Variants in ANKAR observed in about 807,000 individuals in gnomAD.
The protein encoded by ANKAR is ankyrin and armadillo repeat-containing protein.
Under a neutral mutation model 146.2 loss-of-function variants are expected in ANKAR, and 136 were observed. The observed-to-expected ratio is 0.93, with a 90% CI of 0.81 to 1.07. The LOEUF (loss-of-function observed/expected upper bound fraction) is 1.07. ANKAR is among the 50% of genes least tolerant of loss of function. ANKAR has a pLI of 0.00. For synonymous variants in ANKAR, 500 were observed against 575.8 expected (o/e 0.87, Z 1.88); for missense variants, 1,567 against 1,679.9 (o/e 0.93, Z 1.18).
At chr2:189,708,736 G>A (rs962649133) in intron 9 of ANKAR, among the ~76,000 whole-genome samples, 1 of 152,138 alleles carries the variant, frequency 6.6e-6, no homozygotes, top group Non-Finnish European at 1.5e-5. Context: ...AAGTTGAGAA[G>A]CATCTGTCTA....
rs1559077390 is a variant in ANKAR at position 189,696,412 on chromosome 2, A to G, written c.1708+43A>G. The G allele has an allele frequency of 1.9e-6, 3 of 1,566,992 alleles. No individual in the cohort carries two copies. The Admixed American group carries it at 5.5e-5, about 29-fold the overall frequency. ...AACCTAAAATGTTGTTATTTTATTTACCCTTACTCAGCATTAGGAATGCAC... is the reference window on the plus strand; with the variant it reads ...AACCTAAAATGTTGTTATTTTATTTGCCCTTACTCAGCATTAGGAATGCAC... On this transcript the variant is annotated intron_variant, in intron 7 of 22. Coordinates refer to ENST00000684021, the MANE Select transcript of ANKAR (RefSeq NM_001378068.1).
chr2:189,744,881 G>T lies in ANKAR; in HGVS notation c.4057+93G>T, dbSNP rs186208538. 5.1e-5 allele frequency: 50 copies of T among 972,798 alleles called. No homozygotes were observed. The Admixed American group carries it at 1.1e-3, about 21-fold the overall frequency. 60.3% of individuals were successfully genotyped at this position (972,798 alleles called of 1,614,324 possible). A position where few individuals can be genotyped will look rare whatever the true frequency, so the allele number is the denominator to read the frequency against. ...CTCTAAAAATTCAAAATGTAGGCCG[G>T]GCACAGTGGCTCATGCCTGTAATCC... On this transcript the variant is annotated intron_variant, in intron 22 of 22. Transcript: ENST00000684021.
intron 8 of ANKAR, among the ~76,000 whole-genome samples, chr2:189,706,309 C>T (rs2038937661): frequency 6.6e-6 from 1 of 151,886 alleles, no homozygotes; most frequent in South Asian, 2.1e-4. Context: ...ATCACTTGAA[C>T]CGAGAGGCAG....
At chr2:189,717,521 C>G (rs2040632579) in intron 10 of ANKAR, among the ~76,000 whole-genome samples, 1 of 152,174 alleles carries the variant, frequency 6.6e-6, no homozygotes, top group Non-Finnish European at 1.5e-5. Context: ...TTGTGGAAGA[C>G]AGTGTGGCGA....
At chr2:189,733,980 G>T (rs540791298) in intron 17 of ANKAR, among the ~76,000 whole-genome samples, 2 of 151,966 alleles carry the variant, frequency 1.3e-5, no homozygotes, top group African/African-American at 2.4e-5. Context: ...CATTTTTGAT[G>T]AATTCAGGCC....
chr2:189,762,632 T>G (rs2047288272), downstream of ANKAR: 6 of 985,310 alleles, frequency 6.1e-6, 1 homozygote, highest in South Asian at 2.3e-4. Flanking sequence ...TGGAACCGCT[T>G]TTCCAGGTGC....
intron 7 of ANKAR, among the ~76,000 whole-genome samples, chr2:189,698,339 C>T (rs541107454): frequency 1.3e-4 from 19 of 151,366 alleles, no homozygotes; most frequent in African/African-American, 4.4e-4. Context: ...AATTTGCTGT[C>T]ACCTTTATTT....
At chr2:189,708,045 C>G (rs973193314) in intron 9 of ANKAR, among the ~76,000 whole-genome samples, 1 of 152,080 alleles carries the variant, frequency 6.6e-6, no homozygotes, top group African/African-American at 2.4e-5. Flanking sequence ...GAGAGGGACC[C>G]GGGAAACTGG....
intron 12 of ANKAR, among the ~76,000 whole-genome samples, chr2:189,721,814 G>A (rs944570436): frequency 6.6e-6 from 1 of 152,076 alleles, no homozygotes; most frequent in Non-Finnish European, 1.5e-5. Context: ...AGTTCACCAG[G>A]AATAAATACA....
At chr2:189,734,736 G>A (rs1339524162) in intron 17 of ANKAR, among the ~76,000 whole-genome samples, 15 of 152,064 alleles carry the variant, frequency 9.9e-5, no homozygotes, top group Admixed American at 3.9e-4. Context: ...GGTCGAGGTG[G>A]GCAGATCGCT....
At chr2:189,762,416 T>C (rs2047218767), downstream of ANKAR, 2 of 210,202 alleles carry the variant, frequency 9.5e-6, no homozygotes, top group African/African-American at 4.7e-5. Flanking sequence ...GGATTAGAGA[T>C]GAGCGACCTA....
intron 18 of ANKAR, among the ~76,000 whole-genome samples, chr2:189,756,852 C>T (rs1020186776): frequency 3.3e-5 from 5 of 152,296 alleles, no homozygotes; most frequent in African/African-American, 1.2e-4. Context: ...TACTCTAAAG[C>T]ACATGCTACC....
chr2:189,734,983 T>C (rs1296633329), intron 17 of ANKAR, among the ~76,000 whole-genome samples: 1 of 150,438 alleles, frequency 6.6e-6, no homozygotes, highest in Non-Finnish European at 1.5e-5. Flanking sequence ...AATATATATA[T>C]ATATATATTT....
At chr2:189,759,253 CTTTTTTT>C (rs111345865) in intron 18 of ANKAR, among the ~76,000 whole-genome samples, 2 of 144,570 alleles carry the variant, frequency 1.4e-5, no homozygotes, top group African/African-American at 5.1e-5. Flanking sequence ...GTTAATTTTC[CTTTTTTT>C]TTTTTTGAGA....
chr2:189,719,952 C>A (rs1188830513), intron 11 of ANKAR, 139 bp downstream of exon 11: 7 of 993,678 alleles, frequency 7.0e-6, no homozygotes, highest in African/African-American at 3.3e-5. Context: ...AGAGAGGGTG[C>A]CTGATGAAAA....
At chr2:189,730,280 C>T (rs2042287044) in intron 15 of ANKAR, among the ~76,000 whole-genome samples, 1 of 152,182 alleles carries the variant, frequency 6.6e-6, no homozygotes, top group South Asian at 2.1e-4. Context: ...TAGGAAGCCA[C>T]TCACAATTCT....
intron 21 of ANKAR, among the ~76,000 whole-genome samples, chr2:189,744,128 A>G (rs2043729158): frequency 6.6e-6 from 1 of 152,212 alleles, no homozygotes; most frequent in South Asian, 2.1e-4. Context: ...CGTTAACTCT[A>G]TGATAACGGA....
intron 12 of ANKAR, among the ~76,000 whole-genome samples, chr2:189,723,074 G>A (rs771228923): frequency 1.4e-4 from 21 of 152,096 alleles, no homozygotes; most frequent in Non-Finnish European, 2.6e-4. Flanking sequence ...TAGTCCTCTT[G>A]GATGTTAGCT....
intron 9 of ANKAR, among the ~76,000 whole-genome samples, chr2:189,709,093 C>T (rs898585990): frequency 1.6e-5 from 2 of 126,832 alleles, no homozygotes; most frequent in South Asian, 2.3e-4. Flanking sequence ...AGCGAGACTT[C>T]GTCTCAAAAT....
Sources: allele counts gnomAD v4.1 joint callset (sites outside exome capture counted in the v4.1 genomes callset), GRCh38; gene constraint gnomAD v4.1.1; transcripts MANE v1.5; gene names NCBI Gene and HGNC (gene_info 2026-07-23, HGNC 2026-07-21).